Variants in CHST9 observed in about 807,000 individuals in gnomAD.
The protein encoded by CHST9 is carbohydrate sulfotransferase 9.
In CHST9, 41 loss-of-function variants were observed where a neutral mutation model predicts 44.4. That is an observed-to-expected ratio of 0.92 (90% confidence interval 0.72 to 1.20). CHST9 has a LOEUF of 1.20. Among genes scored for constraint, CHST9 ranks in the 50% most tolerant of loss-of-function variants. CHST9 has a pLI of 0.00. For synonymous variants in CHST9, 171 were observed against 178.4 expected (o/e 0.96, Z 0.33); for missense variants, 504 against 516.5 (o/e 0.98, Z 0.23).
intron 4 of CHST9, among the ~76,000 whole-genome samples, chr18:26,963,432 G>A (rs1412515589): frequency 6.6e-6 from 1 of 152,012 alleles, no homozygotes; most frequent in African/African-American, 2.4e-5. Flanking sequence ...TTATTACTGA[G>A]CCGTTGGGTC....
chr18:26,909,805 AGAG>A lies in CHST9; in HGVS notation c.*6451_*6453del, dbSNP rs1034766740. ...GGAGGAGGAGGAGGAAGAGGAGGGA[AGAG>A]GAGGAGGAGGAGGTTGTCAGAGCAT... On this transcript the variant is annotated 3_prime_UTR_variant, in exon 6 of 6. Transcript: ENST00000618847. 1.1e-4 allele frequency: 16 copies of A among 151,898 alleles called. No individual in the cohort carries two copies. The highest frequency in any genetic ancestry group is 2.1e-4 in the Non-Finnish European group (14 of 68,028). 9.4% of individuals were successfully genotyped at this position (151,898 alleles called of 1,614,324 possible). A position where few individuals can be genotyped will look rare whatever the true frequency, so the allele number is the denominator to read the frequency against.
chr18:27,004,732 T>C (rs1470925861), intron 4 of CHST9, among the ~76,000 whole-genome samples: 1 of 152,138 alleles, frequency 6.6e-6, no homozygotes, highest in Non-Finnish European at 1.5e-5. Context: ...GGACAAACAA[T>C]CCAACTTTCG....
chr18:27,113,326 C>T (rs1372439279), intron 2 of CHST9, among the ~76,000 whole-genome samples: 1 of 151,968 alleles, frequency 6.6e-6, no homozygotes, highest in African/African-American at 2.4e-5. Context: ...TAGTCATTTT[C>T]TTTACTCAGC....
intron 2 of CHST9, among the ~76,000 whole-genome samples, chr18:27,050,048 G>A (rs570901239): frequency 4.2e-4 from 64 of 152,258 alleles, no homozygotes; most frequent in Middle Eastern, 3.4e-3. Context: ...GCTACTGCTT[G>A]CTGAGTTCAC....
At chr18:27,076,821 T>C (rs1181068787) in intron 2 of CHST9, among the ~76,000 whole-genome samples, 3 of 152,146 alleles carry the variant, frequency 2.0e-5, no homozygotes, top group South Asian at 2.1e-4. Context: ...TTCCATATTA[T>C]CTGCACATGA....
At chr18:27,059,724 G>A (rs183846928) in intron 2 of CHST9, among the ~76,000 whole-genome samples, 1 of 152,284 alleles carries the variant, frequency 6.6e-6, no homozygotes, top group African/African-American at 2.4e-5. Flanking sequence ...GGAGGCCAGA[G>A]GTGAGCTTTA....
At chr18:27,028,483 A>G (rs1291319672) in intron 3 of CHST9, among the ~76,000 whole-genome samples, 1 of 152,172 alleles carries the variant, frequency 6.6e-6, no homozygotes. Context: ...ATCAGTCGAT[A>G]GGATATAATG....
intron 4 of CHST9, among the ~76,000 whole-genome samples, chr18:26,947,888 C>T (rs1284882350): frequency 6.6e-6 from 1 of 152,156 alleles, no homozygotes; most frequent in Non-Finnish European, 1.5e-5. Flanking sequence ...CCAGCAACCC[C>T]ATTACTGGAT....
intron 2 of CHST9, among the ~76,000 whole-genome samples, chr18:27,105,356 C>T (rs1373594183): frequency 1.3e-5 from 2 of 152,142 alleles, no homozygotes; most frequent in Non-Finnish European, 2.9e-5. Flanking sequence ...TTCTCCTTGA[C>T]TTCTCCCTAA....
At chr18:27,137,213 A>G (rs964670781) in intron 2 of CHST9, among the ~76,000 whole-genome samples, 9 of 150,758 alleles carry the variant, frequency 6.0e-5, no homozygotes, top group Non-Finnish European at 1.2e-4. Flanking sequence ...TGAATATATA[A>G]TTTATTATTT....
At chr18:27,065,558 A>G (rs1373839324) in intron 2 of CHST9, among the ~76,000 whole-genome samples, 3 of 151,176 alleles carry the variant, frequency 2.0e-5, no homozygotes, top group Admixed American at 1.3e-4. Context: ...ATAATGAAGT[A>G]AGAGGATTTA....
chr18:27,100,020 G>GAC (rs2143746499), intron 2 of CHST9, among the ~76,000 whole-genome samples: 1 of 150,110 alleles, frequency 6.7e-6, no homozygotes, highest in Admixed American at 6.7e-5. Context: ...TATATATAAT[G>GAC]ATATATATAT....
chr18:26,996,409 T>A (rs1046194636), intron 4 of CHST9, among the ~76,000 whole-genome samples: 2 of 152,152 alleles, frequency 1.3e-5, no homozygotes, highest in Non-Finnish European at 2.9e-5. Flanking sequence ...CCCTCATGAA[T>A]GGCTCGGTGC....
At chr18:26,981,270 TCCTCCA>T (rs2056688847) in intron 4 of CHST9, among the ~76,000 whole-genome samples, 1 of 152,162 alleles carries the variant, frequency 6.6e-6, no homozygotes, top group East Asian at 1.9e-4. Flanking sequence ...CCAGACAAAG[TCCTCCA>T]CACCTAAATA....
At chr18:27,006,885 C>G (rs2057023162) in intron 4 of CHST9, among the ~76,000 whole-genome samples, 2 of 152,286 alleles carry the variant, frequency 1.3e-5, no homozygotes, top group South Asian at 2.1e-4. Flanking sequence ...GTGATCCTGT[C>G]ATGGCAATAT....
Position 26,950,806 on chromosome 18 carries a change from A to G in CHST9, c.203-6440T>C, listed in dbSNP as rs184505388. Among the ~76,000 whole-genome samples, 193 of 152,322 alleles carry G rather than the reference A, an allele frequency of 1.3e-3. 10 individuals are homozygous for G. The highest frequency in any genetic ancestry group is 0.013 in the Admixed American group (193 of 15,306). On this transcript the variant is annotated intron_variant, in intron 4 of 5. Transcript: ENST00000618847. ...TAGGCGATGAGTGCACCAAAATCTC[A>G]GAATCACCACTGAAGAACTTATCCA... is the stretch of plus-strand genomic sequence containing the variant.
At chr18:26,972,957 T>TC (rs1253679842) in intron 4 of CHST9, among the ~76,000 whole-genome samples, 7 of 152,154 alleles carry the variant, frequency 4.6e-5, no homozygotes, top group Non-Finnish European at 7.3e-5. Context: ...GGCACCCCGC[T>TC]CCTCGTTTAC....
At chr18:27,110,461 A>ACT (rs778207131) in intron 2 of CHST9, among the ~76,000 whole-genome samples, 1 of 152,126 alleles carries the variant, frequency 6.6e-6, no homozygotes, top group Admixed American at 6.6e-5. Context: ...CAGGCTAGTT[A>ACT]CTCTCTGGGC....
At chr18:27,145,833 A>C (rs2058607579) in intron 1 of CHST9, among the ~76,000 whole-genome samples, 1 of 152,208 alleles carries the variant, frequency 6.6e-6, no homozygotes, top group African/African-American at 2.4e-5. Context: ...GAGGTGTTCC[A>C]AATTGAATCC....
Sources: allele counts gnomAD v4.1 joint callset (sites outside exome capture counted in the v4.1 genomes callset), GRCh38; gene constraint gnomAD v4.1.1; transcripts MANE v1.5; gene names NCBI Gene and HGNC (gene_info 2026-07-23, HGNC 2026-07-21).